The following ADAM17 variants were observed in gnomAD, a reference collection of about 807,000 sequenced individuals.
ADAM17 encodes disintegrin and metalloproteinase domain-containing protein 17.
In ADAM17, 39 loss-of-function variants were observed where a neutral mutation model predicts 96.7. The observed-to-expected ratio is 0.40, with a 90% CI of 0.31 to 0.53. The LOEUF is 0.53. Among genes scored for constraint, ADAM17 ranks in the 20% least tolerant of loss-of-function variants. The probability of loss-of-function intolerance (pLI) is 0.44; values close to 1 mark genes in which losing one functional copy is unlikely to be tolerated. For missense variants in ADAM17, 777 were observed against 1,013.2 expected (o/e 0.77, Z 3.17); for synonymous variants, 344 against 359.2 (o/e 0.96, Z 0.48).
chr2:9,517,421 G>A (rs557783414), intron 10 of ADAM17, among the ~76,000 whole-genome samples: 17 of 152,264 alleles, frequency 1.1e-4, no homozygotes, highest in African/African-American at 3.6e-4. Context: ...TATCAATCAG[G>A]CTTAAGAGTG....
At chr2:9,500,425 T>C (rs1383793286) in intron 13 of ADAM17, among the ~76,000 whole-genome samples, 1 of 152,210 alleles carries the variant, frequency 6.6e-6, no homozygotes, top group East Asian at 1.9e-4. Flanking sequence ...TGGAGGATCA[T>C]AGCTAAAGGA....
intron 13 of ADAM17, among the ~76,000 whole-genome samples, 199 bp from the exon 14 acceptor site, chr2:9,497,447 G>A (rs547648027): frequency 8.5e-5 from 13 of 152,346 alleles, no homozygotes; most frequent in South Asian, 2.1e-4. Flanking sequence ...TGCCAGGCTA[G>A]GCTGCATGAG....
intron 1 of ADAM17, among the ~76,000 whole-genome samples, chr2:9,549,534 T>C (rs1665518974): frequency 6.6e-6 from 1 of 152,160 alleles, no homozygotes; most frequent in South Asian, 2.1e-4. Flanking sequence ...GGTTTTTGTT[T>C]TGTTTTGTTT....
At position 9,517,891 on chromosome 2, in the gene ADAM17, A is replaced by G. The variant is rs760044404; in HGVS notation, c.1191+10T>C. 4 of 1,538,992 alleles carry G rather than the reference A, an allele frequency of 2.6e-6. No homozygotes were observed. The African/African-American group carries it at 5.6e-5, about 21-fold the overall frequency. On this transcript the variant is annotated intron_variant, in intron 10 of 18. Transcript: ENST00000310823. ...TCTAACACTATTCTTTTAGAAATAAAAGAACATACCTTTGTAAGGATGGTT... is the reference window on the plus strand; with the variant it reads ...TCTAACACTATTCTTTTAGAAATAAGAGAACATACCTTTGTAAGGATGGTT...
intron 1 of ADAM17, among the ~76,000 whole-genome samples, chr2:9,550,903 CAAA>C (rs33972062): frequency 0.022 from 2,121 of 97,870 alleles, 51 homozygotes; most frequent in African/African-American, 0.07. Context: ...ACTAAAAATA[CAAA>C]AAAAAAAAAA....
rs1335403605 is a variant in ADAM17 at position 9,528,288 on chromosome 2, A to G, written c.451-334T>C. On this transcript the variant is annotated intron_variant, in intron 4 of 18. Coordinates refer to ENST00000310823, the MANE Select transcript of ADAM17 (RefSeq NM_003183.6). ...CATTCAAAAATATTATGTAATATCTACTGTACACTGGCACTGTTATAGGTG... is the reference window on the plus strand; with the variant it reads ...CATTCAAAAATATTATGTAATATCTGCTGTACACTGGCACTGTTATAGGTG... 2.0e-5 allele frequency among the ~76,000 whole-genome samples: 3 copies of G among 152,204 alleles called. No homozygotes were observed. The East Asian group carries it at 5.8e-4, about 29-fold the overall frequency.
chr2:9,516,760 AT>A (rs552873108), intron 10 of ADAM17, among the ~76,000 whole-genome samples: 115 of 152,304 alleles, frequency 7.6e-4, no homozygotes, highest in African/African-American at 2.5e-3. Flanking sequence ...CTCAAAAAAA[AT>A]AAAAATTAAA....
intron 1 of ADAM17, among the ~76,000 whole-genome samples, chr2:9,553,792 G>A (rs919372669): frequency 1.6e-4 from 24 of 152,298 alleles, no homozygotes; most frequent in East Asian, 1.4e-3. Flanking sequence ...GGCCAGGAGC[G>A]GTGGTTCATG....
At chr2:9,521,178 C>T (rs774442903) in intron 8 of ADAM17, 25 bp downstream of exon 8, 13 of 1,496,832 alleles carry the variant, frequency 8.7e-6, no homozygotes, top group Non-Finnish European at 1.0e-5. Flanking sequence ...GGTGTTAGCA[C>T]CATATCCAGG....
At position 9,488,572 on chromosome 2, in the gene ADAM17, CAA is replaced by C. The variant is rs942024326; in HGVS notation, c.*1603_*1604del. ...AGCAGCTTGTTAATTCTATAAATGA[CAA>C]AGACTATGTTTTTAAAAAGTCACAA... is the stretch of plus-strand genomic sequence containing the variant. On this transcript the variant is annotated 3_prime_UTR_variant, in exon 19 of 19. Coordinates refer to ENST00000310823, the MANE Select transcript of ADAM17 (RefSeq NM_003183.6). The C allele has an allele frequency of 3.6e-5, 12 of 336,954 alleles. No homozygotes were observed. Among genetic ancestry groups the C allele is most frequent in the African/African-American group, 1.1e-4 (5 of 47,226 alleles). The allele number at this position is 336,954 out of a possible 1,614,324, so 20.9% of individuals were successfully genotyped here. A position where few individuals can be genotyped will look rare whatever the true frequency, so the allele number is the denominator to read the frequency against.
intron 17 of ADAM17, among the ~76,000 whole-genome samples, chr2:9,492,347 A>G (rs1431715370): frequency 2.0e-5 from 3 of 152,250 alleles, no homozygotes; most frequent in East Asian, 3.8e-4. Flanking sequence ...TCAAAGCCCA[A>G]TTCAACTTGT....
intron 1 of ADAM17, among the ~76,000 whole-genome samples, chr2:9,553,860 T>C (rs1053721252): frequency 6.6e-6 from 1 of 151,588 alleles, no homozygotes; most frequent in African/African-American, 2.4e-5. Context: ...TCAAGAGTTC[T>C]AGACCAGCCT....
At chr2:9,534,529 C>T (rs1040898556) in intron 4 of ADAM17, among the ~76,000 whole-genome samples, 3 of 152,044 alleles carry the variant, frequency 2.0e-5, no homozygotes, top group Non-Finnish European at 4.4e-5. Context: ...AGCAAGACTC[C>T]GTCTCAAAAA....
chr2:9,550,903 C>CAAAAAAA (rs33972062), intron 1 of ADAM17, among the ~76,000 whole-genome samples: 1,209 of 96,904 alleles, frequency 0.012, no homozygotes, highest in Non-Finnish European at 0.015. Context: ...ACTAAAAATA[C>CAAAAAAA]AAAAAAAAAA....
intron 15 of ADAM17, 61 bp from the exon 16 acceptor site, chr2:9,493,886 T>C: frequency 7.0e-7 from 1 of 1,421,280 alleles, no homozygotes; most frequent in East Asian, 2.3e-5. Flanking sequence ...AGAAGCAATG[T>C]AGCTTTATAA....
rs181112134 is a variant in ADAM17, at chr2:9,510,848, C to G, written c.1192-717G>C. Among the ~76,000 whole-genome samples, 8 of 151,992 alleles carry G rather than the reference C, an allele frequency of 5.3e-5. No individual in the cohort carries two copies. The East Asian group carries it at 1.5e-3, about 29-fold the overall frequency. ...CTTTGTCTCAAAAAAGAGTAATAAC[C>G]GGACTATGATTCTTCTACCAATTAT... is the stretch of plus-strand genomic sequence containing the variant. On this transcript the variant is annotated intron_variant, in intron 10 of 18. Coordinates refer to ENST00000310823, the MANE Select transcript of ADAM17 (RefSeq NM_003183.6).
intron 4 of ADAM17, among the ~76,000 whole-genome samples, chr2:9,533,175 C>T (rs923445693): frequency 4.1e-5 from 6 of 147,706 alleles, no homozygotes; most frequent in Admixed American, 3.4e-4. Flanking sequence ...GGTGACAGGG[C>T]GAGATGCCAT....
At chr2:9,537,740 T>G (rs933160647) in intron 2 of ADAM17, among the ~76,000 whole-genome samples, 2 of 151,170 alleles carry the variant, frequency 1.3e-5, no homozygotes, top group Non-Finnish European at 3.0e-5. Flanking sequence ...AAAAAAAAAG[T>G]ACTCGTGCTT....
intron 1 of ADAM17, 21 bp downstream of exon 1, chr2:9,555,488 C>A: frequency 6.4e-7 from 1 of 1,559,418 alleles, no homozygotes; most frequent in Admixed American, 2.0e-5. Flanking sequence ...CCGGCCTAAG[C>A]CAACTCCCCT....
Sources: gnomAD v4.1 joint callset for allele counts (sites outside exome capture counted in the v4.1 genomes callset) on GRCh38, gnomAD v4.1.1 for gene constraint, MANE v1.5 for transcripts, NCBI Gene and HGNC (gene_info 2026-07-23, HGNC 2026-07-21) for gene names.